Variants in PUDP observed in about 807,000 individuals in gnomAD.
The protein encoded by PUDP is pseudouridine 5'-phosphatase.
A neutral mutation model predicts 9.4 loss-of-function variants in PUDP; 8 were observed. That is an observed-to-expected ratio of 0.85 (90% CI 0.50 to 1.53). The LOEUF (loss-of-function observed/expected upper bound fraction) is 1.53. PUDP is among the 40% of genes most tolerant of loss of function. The probability of loss-of-function intolerance (pLI) is 0.00; values close to 1 mark genes in which losing one functional copy is unlikely to be tolerated. For synonymous variants in PUDP, 99 were observed against 80.7 expected (o/e 1.23, Z -1.22); for missense variants, 188 against 189.7 (o/e 0.99, Z 0.05).
rs751915073 is a variant in PUDP at position 6,880,908 on chromosome X, G to A, written c.*247+96225C>T. Among the ~76,000 whole-genome samples, 3 of 112,531 alleles carry A rather than the reference G, an allele frequency of 2.7e-5. No individual in the cohort carries two copies. The East Asian group carries it at 8.3e-4, about 31-fold the overall frequency. On this transcript the variant is annotated intron_variant and NMD_transcript_variant, in intron 3 of 3. Transcript: ENST00000655425. ...GTACCAGACACTGGTGAAGTTTTGT[G>A]CACATACCTGTGAAGAGCATGTACT...
At chrX:7,091,218 G>GT (rs1304715025) in intron 2 of PUDP, among the ~76,000 whole-genome samples, 1 of 112,019 alleles carries the variant, frequency 8.9e-6, no homozygotes, top group African/African-American at 3.2e-5. Context: ...CCGAGGAACA[G>GT]TATTTTGTTC....
At chrX:6,777,100 T>C (rs905868787) in intron 3 of PUDP, among the ~76,000 whole-genome samples, 11 of 112,288 alleles carry the variant, frequency 9.8e-5, no homozygotes, top group African/African-American at 3.6e-4. Context: ...CTATTGCAAA[T>C]ATTGCTGGAT....
intron 3 of PUDP, among the ~76,000 whole-genome samples, chrX:6,958,576 CA>C: frequency 9.1e-6 from 1 of 110,070 alleles, no homozygotes; most frequent in East Asian, 2.8e-4. Flanking sequence ...ACTAAAAATA[CA>C]AAAAATTAGC....
At chrX:6,944,791 G>A (rs996411415) in intron 3 of PUDP, among the ~76,000 whole-genome samples, 3 of 111,267 alleles carry the variant, frequency 2.7e-5, no homozygotes, top group Admixed American at 9.6e-5. Flanking sequence ...ACTGAGCTCC[G>A]ACTGCAACTC....
intron 3 of PUDP, among the ~76,000 whole-genome samples, chrX:6,945,980 T>A (rs1419759228): frequency 9.0e-6 from 1 of 110,862 alleles, no homozygotes; most frequent in Non-Finnish European, 1.9e-5. Context: ...TAGACTTGCT[T>A]CCCTAAGGGT....
At chrX:6,830,829 C>T (rs1046934690) in intron 3 of PUDP, among the ~76,000 whole-genome samples, 1 of 112,021 alleles carries the variant, frequency 8.9e-6, no homozygotes, top group Non-Finnish European at 1.9e-5. Flanking sequence ...AGTTTAAAAT[C>T]CCATATTGCA....
chrX:7,134,734 C>G (rs776074056), intron 1 of PUDP, among the ~76,000 whole-genome samples: 1 of 111,452 alleles, frequency 9.0e-6, no homozygotes, highest in Non-Finnish European at 1.9e-5. Flanking sequence ...TCTACTTAAC[C>G]AAAGGAAATG....
chrX:6,931,889 A>C (rs753262340), intron 3 of PUDP, among the ~76,000 whole-genome samples: 2 of 111,493 alleles, frequency 1.8e-5, no homozygotes, highest in African/African-American at 6.5e-5. Flanking sequence ...ACAACAAAAG[A>C]CTTCACTATT....
At chrX:6,753,236 T>G (rs928016962) in intron 3 of PUDP, among the ~76,000 whole-genome samples, 8 of 112,062 alleles carry the variant, frequency 7.1e-5, no homozygotes, top group Non-Finnish European at 1.3e-4. Context: ...GGTTTTCCAT[T>G]CCTGAGTTAC....
intron 3 of PUDP, among the ~76,000 whole-genome samples, chrX:6,845,265 T>G (rs1472372280): frequency 8.9e-6 from 1 of 111,738 alleles, no homozygotes; most frequent in African/African-American, 3.3e-5. Context: ...GGAGTCCTTA[T>G]GTAAAAATAA....
chrX:7,047,630 G>A (rs1930000563), downstream of PUDP, among the ~76,000 whole-genome samples: 2 of 112,117 alleles, frequency 1.8e-5, no homozygotes, highest in South Asian at 7.4e-4. Context: ...TACAGACTTT[G>A]AAATGATACT....
intron 3 of PUDP, among the ~76,000 whole-genome samples, chrX:6,771,474 T>C (rs747558248): frequency 6.2e-5 from 7 of 112,087 alleles, no homozygotes; most frequent in Non-Finnish European, 1.1e-4. Context: ...TGTCCGCAAC[T>C]CAAATTAGTA....
At chrX:6,825,895 A>T (rs1485483407) in intron 3 of PUDP, among the ~76,000 whole-genome samples, 1 of 111,763 alleles carries the variant, frequency 8.9e-6, no homozygotes, top group East Asian at 2.8e-4. Flanking sequence ...ACCCACTCCA[A>T]AGAAGCAGGC....
chrX:6,965,589 C>T (rs1310825125), intron 3 of PUDP, among the ~76,000 whole-genome samples: 3 of 111,616 alleles, frequency 2.7e-5, no homozygotes, highest in African/African-American at 9.8e-5. Flanking sequence ...ATACTGTATA[C>T]AAATGCTAAA....
At chrX:7,085,904 A>C (rs769128889) in intron 2 of PUDP, among the ~76,000 whole-genome samples, 1 of 111,647 alleles carries the variant, frequency 9.0e-6, no homozygotes, top group Non-Finnish European at 1.9e-5. Flanking sequence ...TAGCCCCCTT[A>C]AAGTACTTGC....
At chrX:7,052,336 C>A (rs780214568) in intron 3 of PUDP, among the ~76,000 whole-genome samples, 2 of 111,636 alleles carry the variant, frequency 1.8e-5, no homozygotes, top group Non-Finnish European at 3.8e-5. Flanking sequence ...CACACCTGGC[C>A]CCCTTTGCCT....
At chrX:6,859,930 A>ACT (rs1462886004) in intron 3 of PUDP, among the ~76,000 whole-genome samples, 1 of 110,638 alleles carries the variant, frequency 9.0e-6, no homozygotes, top group African/African-American at 3.3e-5. Context: ...CATCAATTAA[A>ACT]CTCTCTCTCT....
chrX:7,037,706 T>G (rs1287106194), intron 1 of PUDP, among the ~76,000 whole-genome samples: 3 of 112,298 alleles, frequency 2.7e-5, no homozygotes, highest in African/African-American at 9.7e-5. Context: ...TGCTTTGGAT[T>G]GGTTTCATAA....
downstream of PUDP, among the ~76,000 whole-genome samples, chrX:7,045,793 G>C (rs749883824): frequency 2.7e-5 from 3 of 111,885 alleles, no homozygotes; most frequent in East Asian, 5.6e-4. Flanking sequence ...AAACCTGAAC[G>C]GTAGCTAGAA....
Sources: gnomAD v4.1 joint callset for allele counts (sites outside exome capture counted in the v4.1 genomes callset) on GRCh38, gnomAD v4.1.1 for gene constraint, MANE v1.5 for transcripts, NCBI Gene and HGNC (gene_info 2026-07-23, HGNC 2026-07-21) for gene names.